OXCT1: variants seen among roughly 807,000 people sequenced by gnomAD.
The protein encoded by OXCT1 is succinyl-CoA:3-ketoacid coenzyme A transferase 1, mitochondrial.
Under a neutral mutation model 69.6 loss-of-function variants are expected in OXCT1, and 27 were observed. The ratio of observed to expected loss-of-function variants is 0.39; its 90% CI spans 0.29 to 0.54. The LOEUF is 0.54. Ranked by LOEUF, OXCT1 falls within the 20% of genes least tolerant of loss-of-function variation. OXCT1 has a pLI of 0.72. For missense variants in OXCT1, 437 were observed against 650.2 expected, an observed-to-expected ratio of 0.67 and a Z score of 3.57; for synonymous variants, 202 against 217.8, an observed-to-expected ratio of 0.93 and a Z score of 0.64.
chr5:41,774,729 A>C (rs999867762), intron 13 of OXCT1, among the ~76,000 whole-genome samples: 2 of 151,994 alleles, frequency 1.3e-5, no homozygotes, highest in African/African-American at 2.4e-5. Context: ...CCCCATCTCT[A>C]CTCAAAATAC....
chr5:41,802,317 G>A (rs1226036767), intron 10 of OXCT1, among the ~76,000 whole-genome samples: 1 of 151,932 alleles, frequency 6.6e-6, no homozygotes, highest in African/African-American at 2.4e-5. Context: ...TATCTACTGA[G>A]AAATAAAAGA....
Position 41,794,658 on chromosome 5 carries a change from G to T in OXCT1, c.1172+19C>A, listed in dbSNP as rs1399900635. ...CATTCCATACTGTCTGAAACATGAGGGGCTCTGTTATTACATACCCTCTAA... is the reference window on the plus strand; with the variant it reads ...CATTCCATACTGTCTGAAACATGAGTGGCTCTGTTATTACATACCCTCTAA... On this transcript the variant is annotated intron_variant, in intron 12 of 16. Transcript: ENST00000196371. 1.2e-6 allele frequency: 2 copies of T among 1,606,790 alleles called. No homozygotes were observed.
intron 16 of OXCT1, among the ~76,000 whole-genome samples, chr5:41,735,165 T>G (rs1742823646): frequency 6.6e-6 from 1 of 152,218 alleles, no homozygotes; most frequent in Non-Finnish European, 1.5e-5. Flanking sequence ...GCAGCACTAT[T>G]CACAGTAGCC....
chr5:41,750,145 T>G (rs1743704916), intron 14 of OXCT1, among the ~76,000 whole-genome samples: 1 of 149,224 alleles, frequency 6.7e-6, no homozygotes, highest in African/African-American at 2.4e-5. Flanking sequence ...GTTTTTTTTT[T>G]TTTTTTTTTT....
intron 2 of OXCT1, 146 bp downstream of exon 2, chr5:41,862,496 T>A (rs1749782613): frequency 6.8e-6 from 4 of 585,948 alleles, no homozygotes; most frequent in Admixed American, 5.7e-5. Flanking sequence ...GAGACACTAA[T>A]AAAATAGATG....
At chr5:41,831,933 C>A (rs1748117247) in intron 7 of OXCT1, among the ~76,000 whole-genome samples, 1 of 152,138 alleles carries the variant, frequency 6.6e-6, no homozygotes, top group Non-Finnish European at 1.5e-5. Context: ...GCAGACATAC[C>A]CATGATCTTT....
chr5:41,805,734 T>C, intron 8 of OXCT1, 53 bp from the exon 9 acceptor site: 1 of 1,161,326 alleles, frequency 8.6e-7, no homozygotes, highest in East Asian at 2.3e-5. Context: ...CTTTGTATTT[T>C]ATCACTGCTG....
At position 41,767,722 on chromosome 5, in the gene OXCT1, G is replaced by GTGTATATA. The variant is rs1554011237; in HGVS notation, c.1249-5523_1249-5522insTATATACA. 4.9e-3 allele frequency among the ~76,000 whole-genome samples: 436 copies of GTGTATATA among 89,884 alleles called. 12 individuals are homozygous for GTGTATATA. The highest frequency in any genetic ancestry group is 0.041 in the Admixed American group (325 of 7,832). 59.0% of individuals were successfully genotyped at this position (89,884 alleles called of 152,430 possible). On this transcript the variant is annotated intron_variant, in intron 13 of 16. Transcript: ENST00000196371. ...TCTAGTATCTAATATATATGTGTGT[G>GTGTATATA]TATATATATATATATATATATATAT...
chr5:41,860,083 T>C (rs1749667115), intron 3 of OXCT1, among the ~76,000 whole-genome samples: 3 of 151,788 alleles, frequency 2.0e-5, no homozygotes, highest in Admixed American at 2.0e-4. Flanking sequence ...AAAGTATGTA[T>C]AATCAAGTCA....
intron 15 of OXCT1, among the ~76,000 whole-genome samples, chr5:41,743,196 T>C (rs1479471013): frequency 5.9e-5 from 9 of 152,348 alleles, no homozygotes; most frequent in South Asian, 2.1e-4. Context: ...TGGTATCTCA[T>C]TGTGGCTTTG....
intron 14 of OXCT1, among the ~76,000 whole-genome samples, chr5:41,756,655 C>T (rs143082622): frequency 4.4e-4 from 67 of 152,164 alleles, no homozygotes; most frequent in African/African-American, 1.6e-3. Context: ...CTATTCTACT[C>T]GGTGCTTATA....
intron 15 of OXCT1, among the ~76,000 whole-genome samples, chr5:41,748,399 A>G (rs1743611719): frequency 6.6e-6 from 1 of 152,064 alleles, no homozygotes; most frequent in Non-Finnish European, 1.5e-5. Context: ...AAGGACTACC[A>G]CTTTATTTAA....
intron 12 of OXCT1, chr5:41,794,451 C>A: frequency 1.6e-6 from 1 of 607,490 alleles, no homozygotes; most frequent in South Asian, 2.0e-5. Flanking sequence ...GTATGGTTGG[C>A]ACAAAGGCAT....
In OXCT1 at chr5:41,730,389, T is replaced by C. The variant is rs1249755598; in HGVS notation, c.*1340A>G. ...TAAAAAGCCTGTCCTTTCTCTAATA[T>C]TGTACATTACACAATTGTAGCTACA... On this transcript the variant is annotated 3_prime_UTR_variant, in exon 17 of 17. Coordinates refer to ENST00000196371, the MANE Select transcript of OXCT1 (RefSeq NM_000436.4). The C allele has an allele frequency of 6.6e-6, 1 of 152,250 alleles. No homozygotes were observed. Among genetic ancestry groups the C allele is most frequent in the Non-Finnish European group, 1.5e-5 (1 of 68,048 alleles). The allele number at this position is 152,250 out of a possible 1,614,324, so 9.4% of individuals were successfully genotyped here. A position where few individuals can be genotyped will look rare whatever the true frequency, so the allele number is the denominator to read the frequency against.
chr5:41,838,784 T>C (rs1748494167), intron 7 of OXCT1, among the ~76,000 whole-genome samples: 1 of 152,136 alleles, frequency 6.6e-6, no homozygotes, highest in African/African-American at 2.4e-5. Flanking sequence ...CCACCACGTC[T>C]GGCTAATTTT....
chr5:41,779,182 C>T lies in OXCT1; in HGVS notation c.1248+14821G>A, dbSNP rs898023830. ...GATTTTTTTCTAAGTATTCAAAATT[C>T]CCCATTACATAGTAGCATCTTTAGA... On this transcript the variant is annotated intron_variant, in intron 13 of 16. Transcript: ENST00000196371. Among the ~76,000 whole-genome samples the T allele has an allele frequency of 9.9e-5, 15 of 152,164 alleles. No homozygotes were observed. The South Asian group carries it at 2.5e-3, about 25-fold the overall frequency.
intron 7 of OXCT1, among the ~76,000 whole-genome samples, chr5:41,830,492 G>C (rs1748044354): frequency 6.6e-6 from 1 of 152,198 alleles, no homozygotes; most frequent in South Asian, 2.1e-4. Flanking sequence ...AAATTCTAAA[G>C]TGCAGCAAAG....
intron 15 of OXCT1, among the ~76,000 whole-genome samples, chr5:41,744,088 G>C (rs1281531508): frequency 3.9e-5 from 6 of 152,096 alleles, no homozygotes; most frequent in Admixed American, 2.6e-4. Flanking sequence ...CCATTTTCAC[G>C]ATACTGATTC....
intron 14 of OXCT1, among the ~76,000 whole-genome samples, chr5:41,754,196 A>G (rs1022126080): frequency 8.4e-6 from 1 of 119,048 alleles, no homozygotes; most frequent in Non-Finnish European, 1.8e-5. Context: ...AGAATATTAA[A>G]TACTTTGTCT....
Sources: gnomAD v4.1 joint callset for allele counts (sites outside exome capture counted in the v4.1 genomes callset) on GRCh38, gnomAD v4.1.1 for gene constraint, MANE v1.5 for transcripts, NCBI Gene and HGNC (gene_info 2026-07-23, HGNC 2026-07-21) for gene names.